Variants in TACR2 observed in about 807,000 individuals in gnomAD.
TACR2 encodes the protein tachykinin receptor 2.
Under a neutral mutation model 28.9 loss-of-function variants are expected in TACR2, and 24 were observed. That is an observed-to-expected ratio of 0.83 (90% CI 0.60 to 1.17). The LOEUF is 1.17. Ranked by LOEUF, TACR2 falls within the 50% of genes most tolerant of loss-of-function variation. The probability of loss-of-function intolerance (pLI) is 0.00; values close to 1 mark genes in which losing one functional copy is unlikely to be tolerated. For synonymous variants in TACR2, 222 were observed against 212.6 expected (o/e 1.04, Z -0.38); for missense variants, 487 against 524.4 (o/e 0.93, Z 0.70).
chr10:69,415,888 C>A (rs1045976196), intron 1 of TACR2, 44 bp downstream of exon 1: 2 of 1,596,038 alleles, frequency 1.3e-6, no homozygotes, highest in African/African-American at 2.7e-5. Context: ...TGAGCCCCGG[C>A]TCAGTGGGGA....
At chr10:69,415,791 T>C (rs1840610850) in intron 1 of TACR2, 141 bp downstream of exon 1, 1 of 1,011,390 alleles carries the variant, frequency 9.9e-7, no homozygotes, top group African/African-American at 1.6e-5. Context: ...AGATTCATAG[T>C]TTTGGACCAT....
In TACR2 at chr10:69,412,540, C is replaced by T. The variant is rs560903397; in HGVS notation, c.587+2405G>A. Among the ~76,000 whole-genome samples the T allele has an allele frequency of 4.6e-5, 7 of 152,270 alleles. 1 individual carries two copies. Among genetic ancestry groups the T allele is most frequent in the African/African-American group, 1.7e-4 (7 of 41,570 alleles). ...AGGCACAGGAAGTCTGTGTCATACC[C>T]GTCTACAGATTTAATCATGACCAAA... On this transcript the variant is annotated intron_variant, in intron 2 of 4. Transcript: ENST00000373306.
intron 1 of TACR2, among the ~76,000 whole-genome samples, chr10:69,415,557 A>G (rs1840607146): frequency 6.7e-6 from 1 of 149,224 alleles, no homozygotes; most frequent in Non-Finnish European, 1.5e-5. Context: ...CGTGTAATCT[A>G]TCCGGAATAA....
rs1840623992 is a variant in TACR2, at chr10:69,416,768, T to A, written c.-445A>T. ...CACGTAATTCAGGAAACCTTCCAGA[T>A]CAGAGGAATGCACAGCGGGAGTCTC... is the stretch of plus-strand genomic sequence containing the variant. On this transcript the variant is annotated 5_prime_UTR_variant, in exon 1 of 5. Coordinates refer to ENST00000373306, the MANE Select transcript of TACR2 (RefSeq NM_001057.3). The A allele has an allele frequency of 6.3e-6, 1 of 159,234 alleles. No homozygotes were observed. The highest frequency in any genetic ancestry group is 1.8e-4 in the East Asian group (1 of 5,508). The allele number at this position is 159,234 out of a possible 1,614,324, so 9.9% of individuals were successfully genotyped here.
chr10:69,415,516 G>T (rs1252850768), intron 1 of TACR2, among the ~76,000 whole-genome samples: 1 of 152,152 alleles, frequency 6.6e-6, no homozygotes, highest in Non-Finnish European at 1.5e-5. Context: ...CTATTAGATT[G>T]TAACTGCAAG....
At chr10:69,409,561 C>G (rs1840541465) in intron 2 of TACR2, among the ~76,000 whole-genome samples, 1 of 151,950 alleles carries the variant, frequency 6.6e-6, no homozygotes, top group South Asian at 2.1e-4. Flanking sequence ...CTCCCAACTG[C>G]GGATCCAAAA....
intron 3 of TACR2, among the ~76,000 whole-genome samples, chr10:69,407,663 G>C (rs528353140): frequency 8.5e-5 from 13 of 152,118 alleles, no homozygotes; most frequent in Non-Finnish European, 1.3e-4. Flanking sequence ...TCAGCTATGC[G>C]TTCCCAGGAC....
At chr10:69,409,920 T>TATACAC (rs1840553080) in intron 2 of TACR2, among the ~76,000 whole-genome samples, 1 of 65,642 alleles carries the variant, frequency 1.5e-5, no homozygotes, top group Non-Finnish European at 3.1e-5. Context: ...TATATATATA[T>TATACAC]ATATATATAT....
At chr10:69,409,884 TATATACATATATATATATAC>T (rs1297482350) in intron 2 of TACR2, among the ~76,000 whole-genome samples, 420 of 11,550 alleles carry the variant, frequency 0.036, 7 homozygotes, top group African/African-American at 0.13. Flanking sequence ...TATATATACA[TATATACATATATATATATAC>T]ATATATATAT....
rs1564580585 is a variant in TACR2, at chr10:69,408,857, CGCCCCCGCCA to C, written c.741+55_741+64del. 34 of 289,838 alleles carry C rather than the reference CGCCCCCGCCA, an allele frequency of 1.2e-4. 3 individuals carry two copies. The Middle Eastern group carries it at 7.4e-3, about 63-fold the overall frequency. The allele number at this position is 289,838 out of a possible 1,614,324, so 18.0% of individuals were successfully genotyped here. On this transcript the variant is annotated intron_variant, in intron 3 of 4. Transcript: ENST00000373306. ...GTCCGGCCCCGCCCCCATGAGGCCT[CGCCCCCGCCA>C]GCCCCCCGCCCCCTCCAGGCCCCGC... is the stretch of plus-strand genomic sequence containing the variant.
At chr10:69,409,420 G>T (rs1840540296) in intron 2 of TACR2, 1 of 177,752 alleles carries the variant, frequency 5.6e-6, no homozygotes, top group Non-Finnish European at 1.2e-5. Flanking sequence ...CACAAAGGAG[G>T]CAGTAAAATT....
In TACR2 at chr10:69,414,977, C is replaced by T. The variant is rs1364208866; in HGVS notation, c.555G>A (p.Trp185Ter). 1.9e-6 allele frequency: 3 copies of T among 1,613,166 alleles called. No individual in the cohort carries two copies. Among genetic ancestry groups the T allele is most frequent in the African/African-American group, 2.7e-5 (2 of 74,910 alleles). Reference sequence around the variant, plus strand: ...GCGTCTTGCCCCCGCTGTCTTCGGGCCAGGCCACCACGCACTTGGTGGCAC... The same window carrying T: ...GCGTCTTGCCCCCGCTGTCTTCGGGTCAGGCCACCACGCACTTGGTGGCAC... ...DQGATKCVVAWPEDSGGKTLL... is the reference protein window; with the variant it reads ...DQGATKCVVA The change falls in exon 2 of 5, where the codon TGG (tryptophan) becomes TGA (stop). Residue 185 changes from tryptophan to a stop codon, truncating the protein, a stop_gained. Transcript: ENST00000373306. LOFTEE classifies it high-confidence loss of function.
intron 4 of TACR2, 64 bp from the exon 5 acceptor site, chr10:69,405,148 C>T (rs1013899492): frequency 5.9e-5 from 81 of 1,384,426 alleles, no homozygotes; most frequent in Middle Eastern, 2.2e-4. Context: ...ATGTGACTGC[C>T]CCCACCCCCA....
chr10:69,415,994 G>A lies in TACR2; in HGVS notation c.330C>T (p.Asn110=). ...YFGRAFCYFQ[N]LFPITAMFVS... ...CAAACATGGCTGTGATGGGGAAGAG[G>A]TTCTGGAAGTAGCAGAAGGCACGGC... The change falls in exon 1 of 5, where the codon AAC becomes AAT. Residue 110 remains asparagine (N), a synonymous_variant. Transcript: ENST00000373306. 1 of 1,614,260 alleles carries A rather than the reference G, an allele frequency of 6.2e-7. No homozygotes were observed.
intron 2 of TACR2, among the ~76,000 whole-genome samples, chr10:69,410,518 C>CAAAA (rs774971144): frequency 3.4e-5 from 3 of 89,042 alleles, no homozygotes; most frequent in African/African-American, 5.5e-5. Context: ...GAGACCCTGT[C>CAAAA]AAAAAAAAAA....
intron 2 of TACR2, among the ~76,000 whole-genome samples, chr10:69,414,367 T>G (rs1840593912): frequency 6.6e-6 from 1 of 152,228 alleles, no homozygotes; most frequent in Non-Finnish European, 1.5e-5. Context: ...CGTGCCTGTG[T>G]GCAAACACAT....
intron 2 of TACR2, among the ~76,000 whole-genome samples, chr10:69,409,904 C>CATATATACATATATATATATACAT (rs1840550912): frequency 2.0e-4 from 7 of 34,646 alleles, no homozygotes; most frequent in Admixed American, 1.7e-3. Flanking sequence ...TATATATATA[C>CATATATACATATATATATATACAT]ATATATATAT....
chr10:69,404,764 T>A lies in TACR2; in HGVS notation c.*62A>T. On this transcript the variant is annotated 3_prime_UTR_variant, in exon 5 of 5. Transcript: ENST00000373306. ...AAGGCATTAATCTATTCATAAGGGA[T>A]CCATCCCCAATACCCAAACACCTCC... 1 of 819,148 alleles carries A rather than the reference T, an allele frequency of 1.2e-6. No homozygotes were observed. Among genetic ancestry groups the A allele is most frequent in the Non-Finnish European group, 1.9e-6 (1 of 531,660 alleles). 50.7% of individuals were successfully genotyped at this position (819,148 alleles called of 1,614,324 possible).
Position 69,404,703 on chromosome 10 carries a change from T to G in TACR2, c.*123A>C, listed in dbSNP as rs1840485009. 4 of 518,960 alleles carry G rather than the reference T, an allele frequency of 7.7e-6. No individual in the cohort carries two copies. The East Asian group carries it at 1.3e-4, about 17-fold the overall frequency. 32.1% of individuals were successfully genotyped at this position (518,960 alleles called of 1,614,324 possible). A position where few individuals can be genotyped will look rare whatever the true frequency, so the allele number is the denominator to read the frequency against. On this transcript the variant is annotated 3_prime_UTR_variant, in exon 5 of 5. Transcript: ENST00000373306. ...AACAACTTGTTATTTTGGGAACTAGTCCATTCCCACAAGAGTGATGATTCA... is the reference window on the plus strand; with the variant it reads ...AACAACTTGTTATTTTGGGAACTAGGCCATTCCCACAAGAGTGATGATTCA...
Sources: allele counts gnomAD v4.1 joint callset (sites outside exome capture counted in the v4.1 genomes callset), GRCh38; gene constraint gnomAD v4.1.1; transcripts MANE v1.5; gene names NCBI Gene and HGNC (gene_info 2026-07-23, HGNC 2026-07-21).